Variants in ZNF106 observed in about 807,000 individuals in gnomAD.
ZNF106 encodes the protein zinc finger protein 106, also known as SH3-domain binding protein 3.
In ZNF106, 67 loss-of-function variants were observed where a neutral mutation model predicts 195.1. That is an observed-to-expected ratio of 0.34 (90% CI 0.28 to 0.42). The LOEUF (loss-of-function observed/expected upper bound fraction) is 0.42. Ranked by LOEUF, ZNF106 falls within the 10% of genes least tolerant of loss-of-function variation. ZNF106 has a pLI of 1.00. For missense variants in ZNF106, 2,118 were observed against 2,304.5 expected, an observed-to-expected ratio of 0.92 and a Z score of 1.66; for synonymous variants, 784 against 818.6, an observed-to-expected ratio of 0.96 and a Z score of 0.72.
intron 1 of ZNF106, among the ~76,000 whole-genome samples, chr15:42,490,164 A>C (rs1465848032): frequency 6.6e-6 from 1 of 152,016 alleles, no homozygotes; most frequent in Middle Eastern, 3.2e-3. Flanking sequence ...CAGGAGGCGG[A>C]GGTTGCAGTG....
intron 1 of ZNF106, among the ~76,000 whole-genome samples, chr15:42,486,243 C>A (rs1336638774): frequency 6.6e-6 from 1 of 152,050 alleles, no homozygotes; most frequent in Non-Finnish European, 1.5e-5. Flanking sequence ...CAGGCGTGAG[C>A]CACCGCGCCC....
chr15:42,448,698 TGCCAAAC>T lies in ZNF106; in HGVS notation c.2502_2508del (p.Phe835Ter). The T allele has an allele frequency of 6.3e-7, 1 of 1,592,866 alleles. No homozygotes were observed. Among genetic ancestry groups the T allele is most frequent in the Non-Finnish European group, 8.5e-7 (1 of 1,174,270 alleles). On this transcript the variant is annotated frameshift_variant and splice_region_variant, in exon 6 of 22. Transcript: ENST00000564754. LOFTEE classifies it high-confidence loss of function. ...TTTTGAACAAGGGGTACCATTTCTATGCCAAACCTTAAGGAAGAAAGAAAAAATGAAA... is the reference window on the plus strand; with the variant it reads ...TTTTGAACAAGGGGTACCATTTCTATCTTAAGGAAGAAAGAAAAAATGAAA...
chr15:42,459,246 C>A (rs970021452), intron 3 of ZNF106, among the ~76,000 whole-genome samples: 1 of 151,806 alleles, frequency 6.6e-6, no homozygotes, highest in East Asian at 1.9e-4. Context: ...GAGGCCGAGG[C>A]GGATGGATCA....
At chr15:42,457,721 G>T (rs2056278188) in intron 3 of ZNF106, among the ~76,000 whole-genome samples, 1 of 152,182 alleles carries the variant, frequency 6.6e-6, no homozygotes, top group Admixed American at 6.5e-5. Context: ...AACTTTTTTG[G>T]TCTGGATGAT....
chr15:42,449,719 G>A, intron 5 of ZNF106, 52 bp downstream of exon 5: 1 of 1,550,686 alleles, frequency 6.4e-7, no homozygotes, highest in Non-Finnish European at 8.7e-7. Flanking sequence ...GGGTCAAAGG[G>A]TTACTTTAAA....
At chr15:42,477,546 C>G (rs941184934) in intron 1 of ZNF106, among the ~76,000 whole-genome samples, 1 of 152,166 alleles carries the variant, frequency 6.6e-6, no homozygotes. Flanking sequence ...GAATTCAAGA[C>G]TAGGCTGATC....
Position 42,434,072 on chromosome 15 carries a change from C to G in ZNF106, c.4881+1312G>C, listed in dbSNP as rs150556025. On this transcript the variant is annotated intron_variant, in intron 14 of 21. Coordinates refer to ENST00000564754, the MANE Select transcript of ZNF106 (RefSeq NM_001366845.3). ...ATGTTGCCCAGGTTGGTCTTGAGCTCCTGGCCTCAAGCAATCCTCCTGCTC... is the reference window on the plus strand; with the variant it reads ...ATGTTGCCCAGGTTGGTCTTGAGCTGCTGGCCTCAAGCAATCCTCCTGCTC... Among the ~76,000 whole-genome samples, 38 of 152,218 alleles carry G rather than the reference C, an allele frequency of 2.5e-4. No homozygotes were observed. The East Asian group carries it at 6.8e-3, about 27-fold the overall frequency.
chr15:42,474,211 C>A (rs978963974), intron 1 of ZNF106, among the ~76,000 whole-genome samples: 2 of 152,162 alleles, frequency 1.3e-5, no homozygotes, highest in Non-Finnish European at 2.9e-5. Flanking sequence ...AGTTTATGAA[C>A]AAGTGACATC....
At chr15:42,453,626 C>T (rs1474194898) in intron 4 of ZNF106, among the ~76,000 whole-genome samples, 1 of 148,770 alleles carries the variant, frequency 6.7e-6, no homozygotes, top group Non-Finnish European at 1.5e-5. Context: ...GATGGAGTCT[C>T]GCTTTGTCGC....
chr15:42,454,023 AACC>A (rs1334136356), intron 4 of ZNF106, among the ~76,000 whole-genome samples: 1 of 152,220 alleles, frequency 6.6e-6, no homozygotes, highest in African/African-American at 2.4e-5. Flanking sequence ...CTATACTCTT[AACC>A]ACAGGCCTTC....
intron 3 of ZNF106, among the ~76,000 whole-genome samples, chr15:42,464,559 G>A (rs2056470217): frequency 7.5e-6 from 1 of 133,398 alleles, no homozygotes; most frequent in South Asian, 2.3e-4. Flanking sequence ...TACAGGGTCT[G>A]GCTCTGTCAC....
chr15:42,454,435 G>A (rs1457693290), intron 4 of ZNF106, among the ~76,000 whole-genome samples: 1 of 152,056 alleles, frequency 6.6e-6, no homozygotes. Flanking sequence ...GGGAGAACTG[G>A]GGGATAAATA....
intron 1 of ZNF106, among the ~76,000 whole-genome samples, chr15:42,485,124 G>C (rs1037864076): frequency 6.6e-6 from 1 of 152,104 alleles, no homozygotes; most frequent in African/African-American, 2.4e-5. Flanking sequence ...ACTCCAGCCT[G>C]GGGGGTCAGA....
intron 1 of ZNF106, among the ~76,000 whole-genome samples, chr15:42,486,057 A>C (rs1207424245): frequency 6.6e-6 from 1 of 150,506 alleles, no homozygotes; most frequent in African/African-American, 2.5e-5. Flanking sequence ...TCCCGGGTTC[A>C]ATCGATTCTC....
At chr15:42,446,751 T>C in intron 6 of ZNF106, 93 bp from the exon 7 acceptor site, 1 of 1,065,926 alleles carries the variant, frequency 9.4e-7, no homozygotes. Flanking sequence ...AGCCATACAC[T>C]GTTCTTCACT....
At chr15:42,489,505 G>T (rs980788516) in intron 1 of ZNF106, among the ~76,000 whole-genome samples, 1 of 151,954 alleles carries the variant, frequency 6.6e-6, no homozygotes, top group Non-Finnish European at 1.5e-5. Flanking sequence ...AGTTCTCCTC[G>T]AAAACCATCT....
At chr15:42,456,560 G>A (rs938187041) in intron 4 of ZNF106, among the ~76,000 whole-genome samples, 1 of 151,850 alleles carries the variant, frequency 6.6e-6, no homozygotes, top group Non-Finnish European at 1.5e-5. Flanking sequence ...GCTGAGGCAG[G>A]AGAATTGCTT....
intron 2 of ZNF106, among the ~76,000 whole-genome samples, chr15:42,469,213 T>C (rs1429061994): frequency 6.6e-6 from 1 of 152,108 alleles, no homozygotes; most frequent in Non-Finnish European, 1.5e-5. Context: ...AGTCCTGTTA[T>C]TCAATGCTTC....
rs1206245408 is a variant in ZNF106 at position 42,472,793 on chromosome 15, C to T, written c.-32-472G>A. Among the ~76,000 whole-genome samples the T allele has an allele frequency of 4.6e-5, 7 of 152,132 alleles. No individual in the cohort carries two copies. In the East Asian group the frequency reaches 1.2e-3, roughly 25 times the overall value. On this transcript the variant is annotated intron_variant, in intron 1 of 21. Transcript: ENST00000564754. Reference sequence around the variant, plus strand: ...TTGGGAGGCCGACGCGGGCAGATCACGAGGTCAGGAGTTAGAGACCAGCCT... The same window carrying T: ...TTGGGAGGCCGACGCGGGCAGATCATGAGGTCAGGAGTTAGAGACCAGCCT...
Sources: gnomAD v4.1 joint callset for allele counts (sites outside exome capture counted in the v4.1 genomes callset) on GRCh38, gnomAD v4.1.1 for gene constraint, MANE v1.5 for transcripts, NCBI Gene and HGNC (gene_info 2026-07-23, HGNC 2026-07-21) for gene names.